Variants in TENT5D observed in about 807,000 individuals in gnomAD.
TENT5D encodes terminal nucleotidyltransferase 5D.
For synonymous variants in TENT5D, 103 were observed against 100.6 expected (o/e 1.02, Z -0.15); for missense variants, 191 against 287.0 (o/e 0.67, Z 2.42).
At chrX:80,346,228 G>A (rs151112503) in intron 3 of TENT5D, among the ~76,000 whole-genome samples, 230 of 111,898 alleles carry the variant, frequency 2.1e-3, no homozygotes, top group African/African-American at 6.3e-3. Flanking sequence ...TTACTGAGTA[G>A]TATCCCATTA....
In TENT5D at chrX:80,410,161, A is replaced by G. The variant is rs1350241384; in HGVS notation, c.-141-28449A>G. 2.7e-5 allele frequency among the ~76,000 whole-genome samples: 3 copies of G among 109,331 alleles called. No homozygotes were observed. The East Asian group carries it at 8.7e-4, about 32-fold the overall frequency. 94.9% of individuals were successfully genotyped at this position (109,331 alleles called of 115,157 possible). ...AACCCTAGAAGAAAACCTAGGCATC[A>G]CCATTCAGGACATAGGCATGGGCAA... is the stretch of plus-strand genomic sequence containing the variant. On this transcript the variant is annotated intron_variant, in intron 3 of 4. Coordinates refer to the TENT5D transcript ENST00000538312.
intron 2 of TENT5D, among the ~76,000 whole-genome samples, chrX:80,339,167 T>C (rs1239774556): frequency 9.0e-6 from 1 of 111,276 alleles, no homozygotes; most frequent in Non-Finnish European, 1.9e-5. Context: ...GTCTTCTTGA[T>C]TCCCAGTGCA....
intron 3 of TENT5D, among the ~76,000 whole-genome samples, chrX:80,356,761 T>A (rs1418554541): frequency 9.0e-6 from 1 of 111,453 alleles, no homozygotes; most frequent in Admixed American, 9.5e-5. Flanking sequence ...AGTTTTTTAT[T>A]TTTTTATTTT....
intron 2 of TENT5D, among the ~76,000 whole-genome samples, chrX:80,341,223 C>T (rs1301744285): frequency 8.9e-6 from 1 of 111,986 alleles, no homozygotes; most frequent in Non-Finnish European, 1.9e-5. Context: ...AGCTATTTTA[C>T]TGTAAATAAA....
At chrX:80,337,663 C>T (rs1413507881) in intron 2 of TENT5D, among the ~76,000 whole-genome samples, 1 of 111,876 alleles carries the variant, frequency 8.9e-6, no homozygotes, top group Admixed American at 9.5e-5. Context: ...ACATTTGGGT[C>T]GTTTCCAGTA....
At chrX:80,409,923 A>T (rs1217032075) in intron 3 of TENT5D, among the ~76,000 whole-genome samples, 4 of 108,486 alleles carry the variant, frequency 3.7e-5, no homozygotes, top group Non-Finnish European at 5.7e-5. Flanking sequence ...AACAGAACAG[A>T]GCCCTCAGAA....
chrX:80,404,567 G>A (rs1931446359), intron 3 of TENT5D, among the ~76,000 whole-genome samples: 2 of 111,631 alleles, frequency 1.8e-5, no homozygotes, highest in Admixed American at 1.9e-4. Flanking sequence ...CTTAAAATCG[G>A]CCCTTAAATC....
At chrX:80,339,557 G>A (rs1256114416) in intron 2 of TENT5D, among the ~76,000 whole-genome samples, 1 of 110,569 alleles carries the variant, frequency 9.0e-6, no homozygotes, top group Non-Finnish European at 1.9e-5. Context: ...ATTAAGAGAA[G>A]CAAATAGATG....
At chrX:80,443,184 G>A (rs1177167865) in exon 3 of TENT5D, 1 of 1,209,421 alleles carries the variant, frequency 8.3e-7, no homozygotes, top group East Asian at 3.0e-5. Flanking sequence ...AGGAAGCAAT[G>A]ACACATTTGC....
At chrX:80,395,601 G>A (rs1432810503) in intron 3 of TENT5D, among the ~76,000 whole-genome samples, 2 of 110,824 alleles carry the variant, frequency 1.8e-5, no homozygotes, top group Non-Finnish European at 3.8e-5. Flanking sequence ...ACATATTCAT[G>A]GGGTAAGATA....
chrX:80,431,795 G>A (rs951593297), intron 1 of TENT5D, among the ~76,000 whole-genome samples: 4 of 111,573 alleles, frequency 3.6e-5, no homozygotes, highest in Non-Finnish European at 5.6e-5. Flanking sequence ...TGAGATTTGA[G>A]TAGGGACATA....
chrX:80,393,075 T>A (rs1931167606), intron 3 of TENT5D, among the ~76,000 whole-genome samples: 1 of 110,087 alleles, frequency 9.1e-6, no homozygotes, highest in African/African-American at 3.3e-5. Flanking sequence ...CAGGAAAAAT[T>A]TTTTTATATT....
At chrX:80,402,049 T>A (rs946638693) in intron 3 of TENT5D, among the ~76,000 whole-genome samples, 1 of 111,802 alleles carries the variant, frequency 8.9e-6, no homozygotes, top group African/African-American at 3.2e-5. Flanking sequence ...GATGGGAGAT[T>A]TTTTGTTACT....
chrX:80,385,142 G>A (rs1260818930), intron 3 of TENT5D, among the ~76,000 whole-genome samples: 1 of 111,438 alleles, frequency 9.0e-6, no homozygotes, highest in East Asian at 2.8e-4. Flanking sequence ...GAACAAAGCT[G>A]GAGGCATCAC....
intron 3 of TENT5D, among the ~76,000 whole-genome samples, chrX:80,396,802 C>G (rs60408365): frequency 1.1e-5 from 1 of 91,795 alleles, no homozygotes; most frequent in Non-Finnish European, 2.1e-5. Context: ...ACCTCCCAGA[C>G]GGGGTGGTGG....
rs1315133016 is a variant in TENT5D, at chrX:80,411,441, AGTT to A, written c.-141-27165_-141-27163del. Among the ~76,000 whole-genome samples, 13 of 111,604 alleles carry A rather than the reference AGTT, an allele frequency of 1.2e-4. No homozygotes were observed. In the South Asian group the frequency reaches 4.1e-3, roughly 35 times the overall value. ...AGACATTCGTCTTTCTTAAATAACT[AGTT>A]GTTTTATTTTAGGACAAAAATTTAC... On this transcript the variant is annotated intron_variant, in intron 3 of 4. Coordinates refer to the TENT5D transcript ENST00000538312.
At chrX:80,409,128 C>T (rs1488419881) in intron 3 of TENT5D, among the ~76,000 whole-genome samples, 2 of 109,083 alleles carry the variant, frequency 1.8e-5, no homozygotes, top group African/African-American at 6.7e-5. Context: ...TATGACAAAC[C>T]CACAGCCAAT....
intron 3 of TENT5D, among the ~76,000 whole-genome samples, chrX:80,389,808 T>A (rs1931091780): frequency 8.9e-6 from 1 of 112,005 alleles, no homozygotes; most frequent in Non-Finnish European, 1.9e-5. Context: ...ACAAGACATA[T>A]AGCTTACTTT....
At chrX:80,339,054 A>G (rs1037539492) in intron 2 of TENT5D, among the ~76,000 whole-genome samples, 1 of 111,723 alleles carries the variant, frequency 9.0e-6, no homozygotes, top group Non-Finnish European at 1.9e-5. Flanking sequence ...TTTATTTTTA[A>G]CCAATTAGAA....
Sources: gnomAD v4.1 joint callset for allele counts (sites outside exome capture counted in the v4.1 genomes callset) on GRCh38, gnomAD v4.1.1 for gene constraint, MANE v1.5 for transcripts, NCBI Gene and HGNC (gene_info 2026-07-23, HGNC 2026-07-21) for gene names.